The following MYH6 variants were observed in gnomAD, a reference collection of about 807,000 sequenced individuals.
MYH6 encodes myosin-6.
In MYH6, 126 loss-of-function variants were observed where a neutral mutation model predicts 223.2. The ratio of observed to expected loss-of-function variants is 0.56; its 90% CI spans 0.49 to 0.65. MYH6 has a LOEUF of 0.65. Among genes scored for constraint, MYH6 ranks in the 30% least tolerant of loss-of-function variants. The pLI is 0.00. For missense variants in MYH6, 2,040 were observed against 2,536.4 expected, an observed-to-expected ratio of 0.80 and a Z score of 4.20; for synonymous variants, 978 against 1,010.2, an observed-to-expected ratio of 0.97 and a Z score of 0.61.
chr14:23,401,821 T>C (rs1433461145), intron 12 of MYH6, among the ~76,000 whole-genome samples: 1 of 152,128 alleles, frequency 6.6e-6, no homozygotes, highest in Non-Finnish European at 1.5e-5. Flanking sequence ...ATTTCTCTGT[T>C]TAGAGGAGGA....
In MYH6 at chr14:23,407,939, AAG is replaced by A. The variant is rs1180542407; in HGVS notation, c.-47+312_-47+313del. 6.6e-6 allele frequency among the ~76,000 whole-genome samples: 1 copy of A among 152,202 alleles called. No individual in the cohort carries two copies. The highest frequency in any genetic ancestry group is 2.4e-5 in the African/African-American group (1 of 41,444). On this transcript the variant is annotated intron_variant, in intron 1 of 38. Transcript: ENST00000405093. The surrounding 1 kb of genome is among the most constrained non-coding windows in gnomAD (Gnocchi z 5.6). ...CAAGTGTCGATGAAGACCAAGAGGC[AAG>A]ATAAAACCAGGATCAAGGGAAGGAA... is the stretch of plus-strand genomic sequence containing the variant.
At chr14:23,406,473 TTCATGAGGCACAC>T (rs1891791701) in intron 3 of MYH6, among the ~76,000 whole-genome samples, 3 of 152,060 alleles carry the variant, frequency 2.0e-5, no homozygotes, top group Non-Finnish European at 4.4e-5. Flanking sequence ...AGTCAACGAG[TTCATGAGGCACAC>T]AGCCCTGAGC....
chr14:23,386,304 C>T lies in MYH6; in HGVS notation c.4959+11G>A, dbSNP rs751491114. ...GCCAGTCCCCTGAGGGGACCTCCCG[C>T]CCCCATGTACCTTCAGCAAGCTCTG... is the stretch of plus-strand genomic sequence containing the variant. On this transcript the variant is annotated intron_variant, in intron 33 of 38. Transcript: ENST00000405093. 1.1e-5 allele frequency: 17 copies of T among 1,613,928 alleles called. No individual in the cohort carries two copies. In the Middle Eastern group the frequency reaches 5.0e-4, roughly 47 times the overall value.
In MYH6 at chr14:23,405,704, T is replaced by G; in HGVS notation, c.268A>C (p.Met90Leu). Reference sequence around the variant, plus strand: ...TCGTGCAGGAAGGTCAGCATGGCCATGTCCTCAATCTTGTCGAACTTGGGT... The same window carrying G: ...TCGTGCAGGAAGGTCAGCATGGCCAGGTCCTCAATCTTGTCGAACTTGGGT... ...NPPKFDKIED[M>L]AMLTFLHEPA... The change falls in exon 4 of 39, where the codon ATG becomes CTG. Residue 90 changes from methionine (M) to leucine (L), a missense_variant. Met to Leu is a conservative substitution (Grantham distance 15). This residue lies in a region of MYH6 where 184 missense variants were observed against 232.4 expected (regional missense o/e 0.79). Coordinates refer to ENST00000405093, the MANE Select transcript of MYH6 (RefSeq NM_002471.4). This position sits in a 1 kb window ranked among gnomAD's most constrained non-coding sequence, Gnocchi z 4.7. 6.2e-7 allele frequency: 1 copy of G among 1,614,174 alleles called. No homozygotes were observed. Among genetic ancestry groups the G allele is most frequent in the East Asian group, 2.2e-5 (1 of 44,872 alleles).
At chr14:23,388,409 T>A in intron 29 of MYH6, 71 bp from the exon 30 acceptor site, 1 of 1,577,574 alleles carries the variant, frequency 6.3e-7, no homozygotes, top group Non-Finnish European at 8.7e-7. Context: ...GTGGACCTCC[T>A]TCCACCCCCT....
chr14:23,402,790 C>G lies in MYH6; in HGVS notation c.909G>C (p.Leu303=). ...CGTAGTCGTAGGGATTGTTGGTGAC[C>G]AGCAGCATGTCTGCACCAGGCAAGG... ...NKKPELLDML[L]VTNNPYDYAF... Residue 303 remains leucine, a synonymous_variant, in exon 11 of 39, where the codon CTG becomes CTC. Coordinates refer to ENST00000405093, the MANE Select transcript of MYH6 (RefSeq NM_002471.4). 1 of 1,611,554 alleles carries G rather than the reference C, an allele frequency of 6.2e-7. No homozygotes were observed. The highest frequency in any genetic ancestry group is 8.5e-7 in the Non-Finnish European group (1 of 1,179,556).
intron 14 of MYH6, chr14:23,399,969 C>T (rs556512755): frequency 2.3e-5 from 11 of 479,660 alleles, no homozygotes; most frequent in Admixed American, 9.9e-5. Flanking sequence ...CCATGAATGA[C>T]GCTTCTCATG....
At position 23,402,611 on chromosome 14, in the gene MYH6, G is replaced by C. The variant is rs1595062759; in HGVS notation, c.1003-9C>G. The C allele has an allele frequency of 6.2e-7, 1 of 1,613,852 alleles. No homozygotes were observed. The highest frequency in any genetic ancestry group is 8.5e-7 in the Non-Finnish European group (1 of 1,179,980). On this transcript the variant is annotated splice_polypyrimidine_tract_variant and intron_variant, in intron 11 of 38. Transcript: ENST00000405093. Reference sequence around the variant, plus strand: ...AGCACGTCAAAGGCACTCTGGGACAGAGCGAGAGACAAAGAGGGGGGTTGG... The same window carrying C: ...AGCACGTCAAAGGCACTCTGGGACACAGCGAGAGACAAAGAGGGGGGTTGG...
intron 37 of MYH6, among the ~76,000 whole-genome samples, chr14:23,382,787 G>A (rs1004955264): frequency 6.6e-6 from 1 of 152,112 alleles, no homozygotes; most frequent in Non-Finnish European, 1.5e-5. Flanking sequence ...CAAATCCCAT[G>A]CTGCCCGATC....
chr14:23,397,934 C>CTTT (rs1891454401), intron 15 of MYH6, among the ~76,000 whole-genome samples: 2 of 56,592 alleles, frequency 3.5e-5, no homozygotes, highest in East Asian at 9.5e-4. Context: ...TCCTCCTCCT[C>CTTT]TTCTTCTTCT....
chr14:23,386,454 G>A lies in MYH6; in HGVS notation c.4820C>T (p.Thr1607Ile). The A allele has an allele frequency of 1.2e-6, 2 of 1,614,190 alleles. No individual in the cohort carries two copies. The highest frequency in any genetic ancestry group is 8.5e-7 in the Non-Finnish European group (1 of 1,180,038). The change falls in exon 33 of 39, where the codon ACA becomes ATA. Residue 1607 changes from threonine to isoleucine, a missense_variant. Physicochemically the swap from Thr to Ile is moderately conservative, Grantham distance 89. Coordinates refer to ENST00000405093, the MANE Select transcript of MYH6 (RefSeq NM_002471.4). Reference protein sequence around the residue: ...DSLQTSLDAETRSRNEVLRVK... With the variant: ...DSLQTSLDAEIRSRNEVLRVK... The stretch of plus-strand genomic sequence containing the variant: ...CCTCAGGACCTCGTTGCGGCTGCGT[G>A]TCTCTGCATCCAGGGAGGTCTGCAG...
At position 23,405,545 on chromosome 14, in the gene MYH6, C is replaced by T. The variant is rs114722302; in HGVS notation, c.345+82G>A. 5.6e-4 allele frequency: 899 copies of T among 1,604,630 alleles called. No homozygotes were observed. The African/African-American group carries it at 0.01, about 18-fold the overall frequency. On this transcript the variant is annotated intron_variant, in intron 4 of 38. Coordinates refer to ENST00000405093, the MANE Select transcript of MYH6 (RefSeq NM_002471.4). The surrounding 1 kb of genome is among the most constrained non-coding windows in gnomAD (Gnocchi z 4.7). ...CTTGGGTCCCTTGGGAGTCTCTCCCCCTCTTCTTGGGAGAGCCCCCCTGGC... is the reference window on the plus strand; with the variant it reads ...CTTGGGTCCCTTGGGAGTCTCTCCCTCTCTTCTTGGGAGAGCCCCCCTGGC...
intron 12 of MYH6, among the ~76,000 whole-genome samples, chr14:23,402,225 G>C (rs958569942): frequency 4.6e-5 from 7 of 152,166 alleles, no homozygotes; most frequent in Admixed American, 3.9e-4. Flanking sequence ...CTGGGGCTGG[G>C]GGAGTCTTGG....
chr14:23,400,886 A>G lies in MYH6; in HGVS notation c.1233T>C (p.Tyr411=), dbSNP rs1440437154. 5 of 1,614,224 alleles carry G rather than the reference A, an allele frequency of 3.1e-6. No homozygotes were observed. The highest frequency in any genetic ancestry group is 2.2e-5 in the South Asian group (2 of 91,086). ...CHPRVKVGNE[Y]VTKGQSVQQV... is the part of the protein sequence containing the mutation. ...GCTGCACGCTCTGCCCCTTGGTGAC[A>G]TACTCGTTGCCCACTTTCACCCGAG... The change falls in exon 13 of 39, where the codon TAT becomes TAC. Residue 411 remains tyrosine, a synonymous_variant. Transcript: ENST00000405093.
At chr14:23,392,038 C>T (rs772744175) in intron 25 of MYH6, among the ~76,000 whole-genome samples, 3 of 152,152 alleles carry the variant, frequency 2.0e-5, no homozygotes, top group Non-Finnish European at 4.4e-5. Flanking sequence ...TCTCATTTTA[C>T]AGGTGAGAAG....
chr14:23,390,440 T>G lies in MYH6; in HGVS notation c.3349A>C (p.Ile1117Leu). Residue 1117 changes from isoleucine (I) to leucine (L), a missense_variant, in exon 26 of 39, where the codon ATC (isoleucine) becomes CTC (leucine). Coordinates refer to ENST00000405093, the MANE Select transcript of MYH6 (RefSeq NM_002471.4). Reference protein sequence around the residue: ...QKKLKENQARIEELEEELEAE... With the variant: ...QKKLKENQARLEELEEELEAE... ...TCCAGCTCCTCCTCCAGCTCCTCGA[T>G]GCGTGCCTGGGTCAGACACAAAGGG... The G allele has an allele frequency of 6.2e-7, 1 of 1,612,854 alleles. No homozygotes were observed. Among genetic ancestry groups the G allele is most frequent in the Non-Finnish European group, 8.5e-7 (1 of 1,179,960 alleles).
In MYH6 at chr14:23,405,317, G is replaced by A. The variant is rs140732380; in HGVS notation, c.408C>T (p.Ala136=). 701 of 1,614,128 alleles carry A rather than the reference G, an allele frequency of 4.3e-4. No individual in the cohort carries two copies. Among genetic ancestry groups the A allele is most frequent in the Non-Finnish European group, 5.4e-4 (643 of 1,180,000 alleles). Residue 136 remains alanine, a synonymous_variant, in exon 5 of 39, where the codon GCC becomes GCT. Transcript: ENST00000405093. This position sits in a 1 kb window ranked among gnomAD's most constrained non-coding sequence, Gnocchi z 4.7. The part of the protein sequence containing the change: ...NPYKWLPVYN[A]EVVAAYRGKK... ...TGCCCCGGTAGGCGGCCACCACCTC[G>A]GCATTGTACACCGGCAGCCACTTGT...
chr14:23,390,557 A>G (rs1214236696), intron 25 of MYH6, 111 bp from the exon 26 acceptor site: 1 of 1,533,794 alleles, frequency 6.5e-7, no homozygotes, highest in Non-Finnish European at 8.7e-7. Flanking sequence ...GTGGTTCTCA[A>G]CTAGGGGCAA....
intron 1 of MYH6, 36 bp downstream of exon 1, chr14:23,408,217 G>C: frequency 1.0e-6 from 1 of 985,222 alleles, no homozygotes; most frequent in Non-Finnish European, 1.2e-6. Context: ...CTCTGTGGAC[G>C]GGCTGCAGGG....
Sources: gnomAD v4.1 joint callset for allele counts (sites outside exome capture counted in the v4.1 genomes callset) on GRCh38, gnomAD v4.1.1 for gene constraint, gnomAD v4.1.1 regional missense constraint, Gnocchi (gnomAD v3.1) non-coding constraint, MANE v1.5 for transcripts, NCBI Gene and HGNC (gene_info 2026-07-23, HGNC 2026-07-21) for gene names.